LMO3: variants seen among roughly 807,000 people sequenced by gnomAD.
The protein encoded by LMO3 is LIM domain only 3, also known as LIM domain only protein 3.
A neutral mutation model predicts 15.8 loss-of-function variants in LMO3; 2 were observed. That is an observed-to-expected ratio of 0.13 (90% CI 0.05 to 0.40). The LOEUF is 0.40. Among genes scored for constraint, LMO3 ranks in the 10% least tolerant of loss-of-function variants. The probability of loss-of-function intolerance (pLI) is 0.99; values close to 1 mark genes in which losing one functional copy is unlikely to be tolerated. For synonymous variants in LMO3, 62 were observed against 63.8 expected, an observed-to-expected ratio of 0.97 and a Z score of 0.13; for missense variants, 86 against 182.2, an observed-to-expected ratio of 0.47 and a Z score of 3.04.
At position 16,567,933 on chromosome 12, in the gene LMO3, T is replaced by A. The variant is rs138727582; in HGVS notation, c.207-7395A>T. ...TGGACTTACTGAGTAGCGATCATGATCTGACCCATTTTAACAACATGGTGG... is the reference window on the plus strand; with the variant it reads ...TGGACTTACTGAGTAGCGATCATGAACTGACCCATTTTAACAACATGGTGG... On this transcript the variant is annotated intron_variant, in intron 2 of 3. Transcript: ENST00000537304. Among the ~76,000 whole-genome samples the A allele has an allele frequency of 1.5e-3, 230 of 152,250 alleles. 2 individuals carry two copies. The highest frequency in any genetic ancestry group is 5.2e-3 in the African/African-American group (217 of 41,562).
intron 2 of LMO3, among the ~76,000 whole-genome samples, chr12:16,578,588 C>G (rs544138771): frequency 6.6e-6 from 1 of 152,012 alleles, no homozygotes; most frequent in African/African-American, 2.4e-5. Flanking sequence ...GAGGCTGAGG[C>G]GGGTGGATCA....
chr12:16,605,755 A>G (rs574519456), intron 1 of LMO3: 1 of 1,534,388 alleles, frequency 6.5e-7, no homozygotes, highest in Non-Finnish European at 8.7e-7. Flanking sequence ...ACTATTATCC[A>G]CTCGAGTCGT....
chr12:16,600,608 C>T (rs375202544), intron 2 of LMO3, 47 bp downstream of exon 2: 281 of 1,516,006 alleles, frequency 1.9e-4, no homozygotes, highest in Non-Finnish European at 2.3e-4. Flanking sequence ...TACAAAAGTA[C>T]TTTAAAAGGC....
chr12:16,554,894 G>A (rs1337852468), intron 3 of LMO3, among the ~76,000 whole-genome samples: 2 of 152,024 alleles, frequency 1.3e-5, no homozygotes, highest in Admixed American at 6.6e-5. Flanking sequence ...TCCCAACCTC[G>A]TGATCCGCCC....
chr12:16,600,253 CTT>C (rs1345468029), intron 2 of LMO3: 1 of 118,490 alleles, frequency 8.4e-6, no homozygotes, highest in East Asian at 3.0e-4. Flanking sequence ...TGATCAATTT[CTT>C]TGTGTTATGC....
intron 2 of LMO3, among the ~76,000 whole-genome samples, chr12:16,588,932 C>G (rs147548208): frequency 6.6e-6 from 1 of 152,008 alleles, no homozygotes; most frequent in African/African-American, 2.4e-5. Flanking sequence ...CAATGTGTAC[C>G]GCTCTTTCCC....
At chr12:16,590,166 T>C (rs1182743414) in intron 2 of LMO3, among the ~76,000 whole-genome samples, 1 of 152,106 alleles carries the variant, frequency 6.6e-6, no homozygotes, top group Non-Finnish European at 1.5e-5. Flanking sequence ...CAAATCCCAC[T>C]GTTATAAATA....
intron 3 of LMO3, among the ~76,000 whole-genome samples, chr12:16,553,154 C>T (rs1942055497): frequency 1.3e-5 from 2 of 152,082 alleles, no homozygotes; most frequent in Non-Finnish European, 2.9e-5. Context: ...TCCCTACATC[C>T]AACCTAGAAA....
At chr12:16,569,783 A>C in intron 2 of LMO3, among the ~76,000 whole-genome samples, 1 of 152,188 alleles carries the variant, frequency 6.6e-6, no homozygotes, top group East Asian at 1.9e-4. Flanking sequence ...AGACATAGTT[A>C]TGGAAAGAAC....
rs1943295949 is a variant in LMO3, at chr12:16,585,679, A to G, written c.206+14976T>C. Reference sequence around the variant, plus strand: ...TAAGTGATTTCATTTGAATGATGTCAAAACTAATCCTCAGGTGATGTAAGC... The same window carrying G: ...TAAGTGATTTCATTTGAATGATGTCGAAACTAATCCTCAGGTGATGTAAGC... On this transcript the variant is annotated intron_variant, in intron 2 of 3. Transcript: ENST00000537304. This position sits in a 1 kb window ranked among gnomAD's most constrained non-coding sequence, Gnocchi z 4.7. 6.6e-6 allele frequency among the ~76,000 whole-genome samples: 1 copy of G among 152,188 alleles called. No individual in the cohort carries two copies. The highest frequency in any genetic ancestry group is 1.5e-5 in the Non-Finnish European group (1 of 68,036).
Position 16,591,894 on chromosome 12 carries a change from C to T in LMO3, c.206+8761G>A, listed in dbSNP as rs1182350473. On this transcript the variant is annotated intron_variant, in intron 2 of 3. Transcript: ENST00000537304. The surrounding 1 kb of genome is among the most constrained non-coding windows in gnomAD (Gnocchi z 4.1). ...CCTGCTTCAGAATATTTTCTAATCTCTCCTGATCATACCTCTTGTCATTCT... is the reference window on the plus strand; with the variant it reads ...CCTGCTTCAGAATATTTTCTAATCTTTCCTGATCATACCTCTTGTCATTCT... Among the ~76,000 whole-genome samples the T allele has an allele frequency of 2.0e-5, 3 of 152,012 alleles. No homozygotes were observed. The highest frequency in any genetic ancestry group is 7.2e-5 in the African/African-American group (3 of 41,408).
intron 2 of LMO3, among the ~76,000 whole-genome samples, chr12:16,574,809 A>C (rs1235914769): frequency 6.6e-6 from 1 of 152,184 alleles, no homozygotes; most frequent in African/African-American, 2.4e-5. Context: ...GGTAGGTGGC[A>C]TCCATTCTGT....
intron 3 of LMO3, among the ~76,000 whole-genome samples, chr12:16,551,720 T>G: frequency 6.6e-6 from 1 of 151,980 alleles, no homozygotes; most frequent in South Asian, 2.1e-4. Context: ...TGATTTCATC[T>G]CTGGCCATTT....
rs565286002 is a variant in LMO3, at chr12:16,571,628, A to G, written c.207-11090T>C. Among the ~76,000 whole-genome samples, 4 of 152,162 alleles carry G rather than the reference A, an allele frequency of 2.6e-5. No individual in the cohort carries two copies. In the East Asian group the frequency reaches 7.7e-4, roughly 29 times the overall value. On this transcript the variant is annotated intron_variant, in intron 2 of 3. Transcript: ENST00000537304. ...GGGTAGAAAATTATATGGCAACCCT[A>G]GTAATAGCCAAAGAGCAATGAGAAC...
At chr12:16,561,994 T>C (rs1942423690) in intron 2 of LMO3, among the ~76,000 whole-genome samples, 1 of 152,218 alleles carries the variant, frequency 6.6e-6, no homozygotes, top group South Asian at 2.1e-4. Flanking sequence ...AAAAATACTT[T>C]AGTATGCTTA....
At position 16,605,447 on chromosome 12, in the gene LMO3, C is replaced by G. The variant is rs1344083429; in HGVS notation, c.-9+619G>C. On this transcript the variant is annotated intron_variant, in intron 1 of 3. Coordinates refer to ENST00000537304, the MANE Select transcript of LMO3 (RefSeq NM_018640.5). ...GCCCCTACCCGCCTGCCCCCCCCCC[C>G]CGCCCCCATGCCCAAACACAGCCAC... 3 of 729,304 alleles carry G rather than the reference C, an allele frequency of 4.1e-6. 1 individual carries two copies. Among genetic ancestry groups the G allele is most frequent in the South Asian group, 6.3e-5 (1 of 15,956 alleles). The allele number at this position is 729,304 out of a possible 1,614,324, so 45.2% of individuals were successfully genotyped here. A position where few individuals can be genotyped will look rare whatever the true frequency, so the allele number is the denominator to read the frequency against.
upstream of LMO3, chr12:16,607,512 G>T (rs1179371817): frequency 2.6e-5 from 4 of 151,216 alleles, no homozygotes; most frequent in African/African-American, 4.9e-5. Context: ...AAGGCCACTG[G>T]TAGCTTTAAA....
intron 3 of LMO3, among the ~76,000 whole-genome samples, chr12:16,552,654 GA>G (rs2137256111): frequency 6.6e-6 from 1 of 152,126 alleles, no homozygotes; most frequent in Non-Finnish European, 1.5e-5. Context: ...TCTATTTGTG[GA>G]ATTTACTTTT....
In LMO3 at chr12:16,585,265, C is replaced by T. The variant is rs1943283274; in HGVS notation, c.206+15390G>A. Among the ~76,000 whole-genome samples the T allele has an allele frequency of 6.6e-6, 1 of 151,944 alleles. No individual in the cohort carries two copies. The highest frequency in any genetic ancestry group is 1.5e-5 in the Non-Finnish European group (1 of 68,024). Reference sequence around the variant, plus strand: ...TAAATAATTCAGCCTATTTTATTTACATTCAAGTATCATGGTAGAAAACAA... The same window carrying T: ...TAAATAATTCAGCCTATTTTATTTATATTCAAGTATCATGGTAGAAAACAA... On this transcript the variant is annotated intron_variant, in intron 2 of 3. Transcript: ENST00000537304. This position sits in a 1 kb window ranked among gnomAD's most constrained non-coding sequence, Gnocchi z 4.7.
Sources: allele counts gnomAD v4.1 joint callset (sites outside exome capture counted in the v4.1 genomes callset), GRCh38; gene constraint gnomAD v4.1.1; non-coding constraint Gnocchi (gnomAD v3.1); transcripts MANE v1.5; gene names NCBI Gene and HGNC (gene_info 2026-07-23, HGNC 2026-07-21).